Variants in RNF24 observed in about 807,000 individuals in gnomAD.
The protein encoded by RNF24 is ring finger protein 24.
Under a neutral mutation model 20.0 loss-of-function variants are expected in RNF24, and 14 were observed. The observed-to-expected ratio is 0.70, with a 90% CI of 0.46 to 1.10. The LOEUF is 1.10. RNF24 is among the 50% of genes least tolerant of loss of function. The probability of loss-of-function intolerance (pLI) is 0.00; values close to 1 mark genes in which losing one functional copy is unlikely to be tolerated. For synonymous variants in RNF24, 45 were observed against 61.1 expected (o/e 0.74, Z 1.23); for missense variants, 124 against 177.6 (o/e 0.70, Z 1.71).
intron 1 of RNF24, among the ~76,000 whole-genome samples, chr20:3,969,002 G>A (rs1173347419): frequency 6.6e-6 from 1 of 152,070 alleles, no homozygotes; most frequent in Non-Finnish European, 1.5e-5. Flanking sequence ...AGAGCCAGGG[G>A]TTTAACCACG....
intron 2 of RNF24, among the ~76,000 whole-genome samples, chr20:3,960,305 T>C (rs17214949): frequency 0.12 from 17,703 of 152,230 alleles, 1,380 homozygotes; most frequent in Non-Finnish European, 0.17. Flanking sequence ...TAAATCCCAA[T>C]TTACCATTTG....
chr20:3,948,069 G>T (rs2091040876), intron 3 of RNF24, among the ~76,000 whole-genome samples, 168 bp downstream of exon 3: 1 of 151,482 alleles, frequency 6.6e-6, no homozygotes, highest in East Asian at 1.9e-4. Flanking sequence ...AAGAAGAGAA[G>T]AATACTTAAG....
chr20:3,957,992 C>G (rs2091161543), intron 2 of RNF24, among the ~76,000 whole-genome samples: 1 of 152,160 alleles, frequency 6.6e-6, no homozygotes, highest in Non-Finnish European at 1.5e-5. Flanking sequence ...TTCTTTCAAA[C>G]CCTTGCCACT....
chr20:3,973,438 C>A, intron 1 of RNF24, among the ~76,000 whole-genome samples: 1 of 102,870 alleles, frequency 9.7e-6, no homozygotes. Flanking sequence ...ATCAATGAAA[C>A]AAAAAGCTGA....
chr20:3,954,941 T>G (rs982140061), intron 2 of RNF24, among the ~76,000 whole-genome samples: 1 of 152,146 alleles, frequency 6.6e-6, no homozygotes, highest in Non-Finnish European at 1.5e-5. Context: ...CACCAAACTC[T>G]TTTTCACAGC....
chr20:3,981,604 C>T (rs897772504), intron 1 of RNF24, among the ~76,000 whole-genome samples: 2 of 151,744 alleles, frequency 1.3e-5, no homozygotes, highest in Admixed American at 6.6e-5. Context: ...CTCCCAGGTT[C>T]AATCAATACT....
At chr20:3,957,190 C>T (rs548687707) in intron 2 of RNF24, among the ~76,000 whole-genome samples, 5 of 151,862 alleles carry the variant, frequency 3.3e-5, no homozygotes, top group South Asian at 2.1e-4. Context: ...CCCAGCTACT[C>T]GGGAGGCTGA....
At chr20:3,944,195 G>GT (rs1425885806) in intron 4 of RNF24, among the ~76,000 whole-genome samples, 1 of 129,284 alleles carries the variant, frequency 7.7e-6, no homozygotes, top group Non-Finnish European at 1.6e-5. Context: ...GGATGACAGA[G>GT]TAAGACCCCG....
At chr20:3,952,758 AT>A (rs1369541988) in intron 2 of RNF24, among the ~76,000 whole-genome samples, 3 of 152,188 alleles carry the variant, frequency 2.0e-5, no homozygotes, top group African/African-American at 4.8e-5. Flanking sequence ...ACCAAAAAAA[AT>A]CATGAATAGG....
At chr20:4,004,492 G>A (rs978780462) in intron 1 of RNF24, among the ~76,000 whole-genome samples, 4 of 151,554 alleles carry the variant, frequency 2.6e-5, no homozygotes, top group Admixed American at 1.3e-4. Context: ...TATTTGAACC[G>A]ACTTTATTTA....
intron 4 of RNF24, among the ~76,000 whole-genome samples, chr20:3,938,128 C>CT (rs1327015441): frequency 1.3e-5 from 2 of 152,266 alleles, no homozygotes; most frequent in South Asian, 4.1e-4. Context: ...TTATTCTTGT[C>CT]TTTTTTACTA....
At chr20:3,972,107 T>C (rs1978400194) in intron 1 of RNF24, among the ~76,000 whole-genome samples, 1 of 152,130 alleles carries the variant, frequency 6.6e-6, no homozygotes. Flanking sequence ...ATAGCAATCC[T>C]AAATGTGCAT....
At position 3,934,937 on chromosome 20, in the gene RNF24, G is replaced by C; in HGVS notation, c.308+57C>G. 2.8e-6 allele frequency: 4 copies of C among 1,448,158 alleles called. No individual in the cohort carries two copies. The South Asian group carries it at 4.6e-5, about 17-fold the overall frequency. 89.7% of individuals were successfully genotyped at this position (1,448,158 alleles called of 1,614,324 possible). ...GGCACTGCCCTAAAACCCAAAAGAA[G>C]TTGGTTGATGTGCCTCAAACTCGGG... On this transcript the variant is annotated intron_variant, in intron 5 of 5. Transcript: ENST00000358395. The surrounding 1 kb of genome is among the most constrained non-coding windows in gnomAD (Gnocchi z 4.0).
At chr20:3,984,989 C>T (rs886951081) in intron 1 of RNF24, among the ~76,000 whole-genome samples, 1 of 152,142 alleles carries the variant, frequency 6.6e-6, no homozygotes. Flanking sequence ...TTTTCTGAGG[C>T]TTCCTCCGAT....
At chr20:4,004,797 C>T (rs1033655076) in intron 1 of RNF24, among the ~76,000 whole-genome samples, 7 of 152,280 alleles carry the variant, frequency 4.6e-5, no homozygotes, top group Admixed American at 3.3e-4. Flanking sequence ...TTTAAAGCCA[C>T]GAAGTTTATA....
chr20:3,962,293 G>A (rs1030089509), intron 2 of RNF24, among the ~76,000 whole-genome samples: 1 of 152,144 alleles, frequency 6.6e-6, no homozygotes, highest in African/African-American at 2.4e-5. Context: ...GAGGAAAGCT[G>A]TAGTGAGCAG....
At chr20:3,965,551 C>T (rs944890991) in intron 1 of RNF24, among the ~76,000 whole-genome samples, 28 of 152,180 alleles carry the variant, frequency 1.8e-4, no homozygotes, top group African/African-American at 6.8e-4. Context: ...AGAGCAAGTG[C>T]TTTTACTCAA....
At chr20:3,979,201 C>T (rs1342199781) in intron 1 of RNF24, among the ~76,000 whole-genome samples, 4 of 151,344 alleles carry the variant, frequency 2.6e-5, no homozygotes, top group Non-Finnish European at 5.9e-5. Context: ...AAGAAAACAC[C>T]TTTTCATATG....
chr20:3,959,770 ACTT>A (rs1157921997), intron 2 of RNF24, among the ~76,000 whole-genome samples: 1 of 152,040 alleles, frequency 6.6e-6, no homozygotes, highest in African/African-American at 2.4e-5. Flanking sequence ...CTGTGTTGGT[ACTT>A]CTTGATTTTT....
Sources: gnomAD v4.1 joint callset for allele counts (sites outside exome capture counted in the v4.1 genomes callset) on GRCh38, gnomAD v4.1.1 for gene constraint, Gnocchi (gnomAD v3.1) non-coding constraint, MANE v1.5 for transcripts, NCBI Gene and HGNC (gene_info 2026-07-23, HGNC 2026-07-21) for gene names.